The following HMOX1 variants were observed in gnomAD, a reference collection of about 807,000 sequenced individuals.
The protein encoded by HMOX1 is heat shock protein, 32-kD.
In HMOX1, 22 loss-of-function variants were observed where a neutral mutation model predicts 27.8. The observed-to-expected ratio is 0.79, with a 90% CI of 0.57 to 1.13. HMOX1 has a LOEUF of 1.13. HMOX1 is among the 50% of genes most tolerant of loss of function. HMOX1 has a pLI of 0.00. For synonymous variants in HMOX1, 153 were observed against 151.6 expected, an observed-to-expected ratio of 1.01 and a Z score of -0.07; for missense variants, 379 against 377.7, an observed-to-expected ratio of 1.00 and a Z score of -0.03.
intron 3 of HMOX1, among the ~76,000 whole-genome samples, chr22:35,387,779 C>T (rs1462544351): frequency 1.3e-5 from 2 of 152,232 alleles, no homozygotes; most frequent in African/African-American, 4.8e-5. Flanking sequence ...CTCTCTGCCA[C>T]CCCCTGGAGG....
Position 35,386,713 on chromosome 22 carries a change from A to T in HMOX1, c.173A>T (p.Tyr58Phe). ...KLVMASLYHI[Y>F]VALEEEIERN... ...GTGATGGCCTCCCTGTACCACATCT[A>T]TGTGGCCCTGGAGGAGGAGATTGAG... The change falls in exon 3 of 5, where the codon TAT (tyrosine) becomes TTT (phenylalanine). Residue 58 changes from tyrosine to phenylalanine, a missense_variant. Tyr to Phe is a conservative substitution (Grantham distance 22). Transcript: ENST00000216117. The T allele has an allele frequency of 6.2e-7, 1 of 1,614,108 alleles. No homozygotes were observed. Among genetic ancestry groups the T allele is most frequent in the East Asian group, 2.2e-5 (1 of 44,874 alleles).
At chr22:35,387,881 G>A (rs754267027) in intron 3 of HMOX1, among the ~76,000 whole-genome samples, 16 of 152,192 alleles carry the variant, frequency 1.1e-4, no homozygotes, top group Admixed American at 2.0e-4. Flanking sequence ...CCCCTGTTAC[G>A]GAACAAGGCC....
chr22:35,388,396 A>G (rs528592332), intron 3 of HMOX1, among the ~76,000 whole-genome samples: 42 of 151,786 alleles, frequency 2.8e-4, no homozygotes, highest in African/African-American at 9.7e-4. Context: ...AGGCTGCAGT[A>G]AGCCATGATT....
chr22:35,383,004 T>C (rs1041197543), intron 1 of HMOX1, 102 bp from the exon 2 acceptor site: 1 of 1,494,218 alleles, frequency 6.7e-7, no homozygotes, highest in Non-Finnish European at 9.3e-7. Context: ...TGAATGAGGA[T>C]GGGAGTCTCT....
intron 3 of HMOX1, among the ~76,000 whole-genome samples, chr22:35,389,429 TA>T (rs1569057747): frequency 1.3e-4 from 9 of 67,980 alleles, no homozygotes; most frequent in African/African-American, 4.9e-4. Flanking sequence ...TCTTTCTTTC[TA>T]TCTTTCTTTC....
At chr22:35,383,781 T>C (rs1335200712) in intron 2 of HMOX1, among the ~76,000 whole-genome samples, 1 of 152,216 alleles carries the variant, frequency 6.6e-6, no homozygotes, top group East Asian at 1.9e-4. Context: ...AAGCCACGTT[T>C]TCCCCATCTG....
chr22:35,381,972 A>G (rs1931396828), intron 1 of HMOX1, among the ~76,000 whole-genome samples: 1 of 152,150 alleles, frequency 6.6e-6, no homozygotes, highest in Non-Finnish European at 1.5e-5. Context: ...ACTCCCAGAA[A>G]GACTTTTTCT....
intron 2 of HMOX1, among the ~76,000 whole-genome samples, chr22:35,383,950 G>C (rs1197068256): frequency 6.6e-6 from 1 of 151,940 alleles, no homozygotes; most frequent in African/African-American, 2.4e-5. Flanking sequence ...TCAGCGTGGG[G>C]AAGAGCTTGT....
Position 35,393,549 on chromosome 22 carries a change from C to A in HMOX1, c.818C>A (p.Thr273Lys), listed in dbSNP as rs754828801. 6.2e-7 allele frequency: 1 copy of A among 1,614,254 alleles called. No individual in the cohort carries two copies. Among genetic ancestry groups the A allele is most frequent in the Non-Finnish European group, 8.5e-7 (1 of 1,180,038 alleles). ...SQAPLLRWVL[T>K]LSFLVATVAV... ...GCTCCGCTTCTCCGATGGGTCCTTA[C>A]ACTCAGCTTTCTGGTGGCGACAGTT... Residue 273 changes from threonine (T) to lysine (K), a missense_variant, in exon 5 of 5, where the codon ACA becomes AAA. Coordinates refer to ENST00000216117, the MANE Select transcript of HMOX1 (RefSeq NM_002133.3).
chr22:35,386,217 A>G (rs1385203475), intron 2 of HMOX1, among the ~76,000 whole-genome samples: 4 of 151,806 alleles, frequency 2.6e-5, no homozygotes, highest in African/African-American at 4.8e-5. Flanking sequence ...CGGCCTCCCA[A>G]AGTGCTGGGA....
chr22:35,387,409 GGCT>G (rs1214165150), intron 3 of HMOX1, among the ~76,000 whole-genome samples: 3 of 152,202 alleles, frequency 2.0e-5, no homozygotes, highest in African/African-American at 7.2e-5. Context: ...AGACTTATAA[GGCT>G]TGAGTGAATT....
At position 35,389,448 on chromosome 22, in the gene HMOX1, CT is replaced by C. The variant is rs199556275; in HGVS notation, c.637-412del. On this transcript the variant is annotated intron_variant, in intron 3 of 4. Coordinates refer to ENST00000216117, the MANE Select transcript of HMOX1 (RefSeq NM_002133.3). ...TCTTTCTATCTTTCTTTCTTTCTTTCTTTTCTTTCTTTCTTGCAGAGTCTCG... is the reference window on the plus strand; with the variant it reads ...TCTTTCTATCTTTCTTTCTTTCTTTCTTTCTTTCTTTCTTGCAGAGTCTCG... 6.5e-3 allele frequency among the ~76,000 whole-genome samples: 559 copies of C among 86,044 alleles called. 25 individuals carry two copies. Among genetic ancestry groups the C allele is most frequent in the Middle Eastern group, 0.022 (4 of 178 alleles). The allele number at this position is 86,044 out of a possible 152,430, so 56.4% of individuals were successfully genotyped here.
At chr22:35,384,248 A>T (rs753111552) in intron 2 of HMOX1, among the ~76,000 whole-genome samples, 1 of 151,530 alleles carries the variant, frequency 6.6e-6, no homozygotes, top group Non-Finnish European at 1.5e-5. Context: ...CACCTGGCCA[A>T]TTTTTGTATT....
At position 35,394,154 on chromosome 22, in the gene HMOX1, T is replaced by A. The variant is rs1555902008; in HGVS notation, c.*556T>A. 1.1e-5 allele frequency: 2 copies of A among 180,848 alleles called. No homozygotes were observed. Among genetic ancestry groups the A allele is most frequent in the South Asian group, 2.4e-4 (2 of 8,308 alleles). The allele number at this position is 180,848 out of a possible 1,614,324, so 11.2% of individuals were successfully genotyped here. On this transcript the variant is annotated 3_prime_UTR_variant, in exon 5 of 5. Coordinates refer to ENST00000216117, the MANE Select transcript of HMOX1 (RefSeq NM_002133.3). ...TGGGGAGGGAGGTGTTTAACGGCAC[T>A]GTGGCCTTGGTCTAACTTTTGTGTG...
intron 3 of HMOX1, among the ~76,000 whole-genome samples, chr22:35,389,188 A>ATT (rs1210415561): frequency 8.6e-6 from 1 of 116,464 alleles, no homozygotes; most frequent in Non-Finnish European, 1.8e-5. Context: ...AGGGATATGA[A>ATT]TTTTCTTTCT....
intron 4 of HMOX1, among the ~76,000 whole-genome samples, chr22:35,392,001 G>A (rs1409405336): frequency 1.3e-5 from 2 of 151,726 alleles, no homozygotes; most frequent in Non-Finnish European, 2.9e-5. Context: ...GAGGCACGGG[G>A]ATCACTTGAG....
At chr22:35,389,340 T>C (rs1454986158) in intron 3 of HMOX1, among the ~76,000 whole-genome samples, 52 of 99,264 alleles carry the variant, frequency 5.2e-4, no homozygotes, top group Middle Eastern at 4.5e-3. Flanking sequence ...CTTTCTTTCT[T>C]CTCCTTCCTT....
chr22:35,393,400 T>C (rs534979798), intron 4 of HMOX1, 68 bp from the exon 5 acceptor site: 2 of 1,607,240 alleles, frequency 1.2e-6, no homozygotes, highest in African/African-American at 1.3e-5. Context: ...CTGCTTTGCT[T>C]TCCTATGACA....
chr22:35,390,087 T>C, intron 4 of HMOX1, 124 bp downstream of exon 4: 1 of 752,926 alleles, frequency 1.3e-6, no homozygotes, highest in Non-Finnish European at 2.3e-6. Context: ...TGTTTCCTGC[T>C]GCCCCACCCC....
Sources: gnomAD v4.1 joint callset for allele counts (sites outside exome capture counted in the v4.1 genomes callset) on GRCh38, gnomAD v4.1.1 for gene constraint, MANE v1.5 for transcripts, NCBI Gene and HGNC (gene_info 2026-07-23, HGNC 2026-07-21) for gene names.